GPC5: variants seen among roughly 807,000 people sequenced by gnomAD.
The protein encoded by GPC5 is glypican 5.
A neutral mutation model predicts 53.9 loss-of-function variants in GPC5; 47 were observed. The ratio of observed to expected loss-of-function variants is 0.87; its 90% CI spans 0.69 to 1.11. The LOEUF is 1.11. Among genes scored for constraint, GPC5 ranks in the 50% most tolerant of loss-of-function variants. GPC5 has a pLI of 0.00. For missense variants in GPC5, 748 were observed against 713.1 expected (o/e 1.05, Z -0.56); for synonymous variants, 286 against 263.3 (o/e 1.09, Z -0.84).
intron 7 of GPC5, among the ~76,000 whole-genome samples, chr13:92,398,632 A>C (rs1875407975): frequency 6.6e-6 from 1 of 151,888 alleles, no homozygotes; most frequent in Admixed American, 6.6e-5. Context: ...CTCCCTGGTA[A>C]ACTCACTCCT....
chr13:92,453,649 A>G (rs1277947098), intron 7 of GPC5, among the ~76,000 whole-genome samples: 2 of 152,238 alleles, frequency 1.3e-5, no homozygotes, highest in Non-Finnish European at 2.9e-5. Flanking sequence ...TGCAGCGCTA[A>G]TGAAATCAGA....
intron 7 of GPC5, among the ~76,000 whole-genome samples, chr13:92,181,304 A>G (rs2042145335): frequency 6.6e-6 from 1 of 152,178 alleles, no homozygotes; most frequent in South Asian, 2.1e-4. Flanking sequence ...TACTAAATTA[A>G]AGTAAACCCA....
chr13:92,208,723 T>G (rs2042354700), intron 7 of GPC5, among the ~76,000 whole-genome samples: 2 of 152,236 alleles, frequency 1.3e-5, no homozygotes, highest in South Asian at 4.1e-4. Context: ...ATTTCTGTAT[T>G]TATTTGCAAA....
intron 7 of GPC5, among the ~76,000 whole-genome samples, chr13:92,701,024 T>TC (rs1202832565): frequency 6.6e-6 from 1 of 151,972 alleles, no homozygotes; most frequent in Non-Finnish European, 1.5e-5. Flanking sequence ...CTTTGCTGTT[T>TC]CCCCCAAGAG....
chr13:92,191,943 G>A (rs2042225502), intron 7 of GPC5, among the ~76,000 whole-genome samples: 2 of 152,146 alleles, frequency 1.3e-5, no homozygotes, highest in Non-Finnish European at 1.5e-5. Flanking sequence ...CATAATGAAG[G>A]TGTATTGCTC....
chr13:91,766,285 C>T (rs1040812284), intron 5 of GPC5, among the ~76,000 whole-genome samples: 1 of 152,166 alleles, frequency 6.6e-6, no homozygotes, highest in Non-Finnish European at 1.5e-5. Flanking sequence ...GGCCTCTACA[C>T]TGCATTACTT....
chr13:92,002,707 T>G (rs1463119839), intron 6 of GPC5, among the ~76,000 whole-genome samples: 3 of 152,134 alleles, frequency 2.0e-5, no homozygotes, highest in Admixed American at 2.0e-4. Context: ...ATGGAACATA[T>G]AAAGTGAACA....
At chr13:92,559,252 A>G (rs538200759) in intron 7 of GPC5, among the ~76,000 whole-genome samples, 42 of 151,766 alleles carry the variant, frequency 2.8e-4, no homozygotes, top group Non-Finnish European at 4.0e-4. Flanking sequence ...ATGAGCTAAA[A>G]ATACATGTAT....
At chr13:92,012,326 C>A (rs143092263) in intron 6 of GPC5, among the ~76,000 whole-genome samples, 100 of 152,144 alleles carry the variant, frequency 6.6e-4, no homozygotes, top group African/African-American at 2.1e-3. Flanking sequence ...TCAAAACATG[C>A]TAATTGTATT....
At chr13:92,001,491 C>T (rs61966417) in intron 6 of GPC5, among the ~76,000 whole-genome samples, 5,569 of 151,984 alleles carry the variant, frequency 0.037, 138 homozygotes, top group Non-Finnish European at 0.057. Context: ...TCTCTCTTGC[C>T]TACTTTTGGA....
At chr13:91,877,675 C>G (rs1158303327) in intron 5 of GPC5, among the ~76,000 whole-genome samples, 1 of 152,116 alleles carries the variant, frequency 6.6e-6, no homozygotes, top group East Asian at 1.9e-4. Context: ...AGACTTTGGA[C>G]TGTGAATTTT....
At position 91,896,198 on chromosome 13, in the gene GPC5, C is replaced by T. The variant is rs1452702828; in HGVS notation, c.1281-11739C>T. ...GCAGTGGCACAATCTCAGCTCACTG[C>T]AACCTCCACCTCCCGGGTTCAAGCA... On this transcript the variant is annotated intron_variant, in intron 5 of 7. Coordinates refer to ENST00000377067, the MANE Select transcript of GPC5 (RefSeq NM_004466.6). 4.7e-5 allele frequency among the ~76,000 whole-genome samples: 7 copies of T among 150,400 alleles called. No individual in the cohort carries two copies. In the East Asian group the frequency reaches 9.8e-4, roughly 21 times the overall value.
chr13:92,705,923 C>CA (rs1266345342), intron 7 of GPC5: 13,218 of 130,802 alleles, frequency 0.1, 656 homozygotes, highest in Admixed American at 0.15. Context: ...TCATCTCCAC[C>CA]AAAAAAAAAA....
At position 92,381,880 on chromosome 13, in the gene GPC5, T is replaced by TATATATATCATATATATCATATATATGA. The variant is rs1555331657; in HGVS notation, c.1561+236891_1561+236892insATATATATCATATATATCATATATATGA. 1.0e-3 allele frequency among the ~76,000 whole-genome samples: 45 copies of TATATATATCATATATATCATATATATGA among 43,012 alleles called. No individual in the cohort carries two copies. The East Asian group carries it at 0.015, about 14-fold the overall frequency. The allele number at this position is 43,012 out of a possible 152,430, so 28.2% of individuals were successfully genotyped here. A position where few individuals can be genotyped will look rare whatever the true frequency, so the allele number is the denominator to read the frequency against. On this transcript the variant is annotated intron_variant, in intron 7 of 7. Transcript: ENST00000377067. ...ATGATTATATATATCATATATATGA[T>TATATATATCATATATATCATATATATGA]TATATATATTATATATAATCATATA...
chr13:91,758,634 A>G (rs994032719), intron 5 of GPC5, among the ~76,000 whole-genome samples: 4 of 152,116 alleles, frequency 2.6e-5, no homozygotes, highest in African/African-American at 9.7e-5. Flanking sequence ...GTGGTTTATG[A>G]ATTTGAAAAA....
chr13:91,431,145 C>T (rs895301271), intron 1 of GPC5, among the ~76,000 whole-genome samples: 1 of 152,130 alleles, frequency 6.6e-6, no homozygotes, highest in African/African-American at 2.4e-5. Flanking sequence ...TCCCAAAGTG[C>T]TGGGATTACA....
At chr13:92,585,393 C>A (rs539587036) in intron 7 of GPC5, among the ~76,000 whole-genome samples, 5 of 152,284 alleles carry the variant, frequency 3.3e-5, no homozygotes, top group African/African-American at 9.6e-5. Context: ...TTTGGACTTG[C>A]GTGGGGCCTG....
At chr13:92,389,365 T>C (rs1259740149) in intron 7 of GPC5, among the ~76,000 whole-genome samples, 1 of 152,122 alleles carries the variant, frequency 6.6e-6, no homozygotes, top group Non-Finnish European at 1.5e-5. Flanking sequence ...TAGGACATAC[T>C]TCCTTTATGA....
At chr13:92,565,891 A>G (rs374752345) in intron 7 of GPC5, among the ~76,000 whole-genome samples, 6 of 152,090 alleles carry the variant, frequency 3.9e-5, no homozygotes, top group Admixed American at 6.6e-5. Flanking sequence ...TTACCCTTCT[A>G]TTTAGAATGT....
Sources: allele counts gnomAD v4.1 joint callset (sites outside exome capture counted in the v4.1 genomes callset), GRCh38; gene constraint gnomAD v4.1.1; transcripts MANE v1.5; gene names NCBI Gene and HGNC (gene_info 2026-07-23, HGNC 2026-07-21).